Variants in RBFOX1 observed in about 807,000 individuals in gnomAD.
RBFOX1 encodes the protein RNA binding fox-1 homolog 1, also known as RNA binding protein fox-1 homolog 1.
RBFOX1 carries 8 observed loss-of-function variants against 57.7 expected under a neutral mutation model. The ratio of observed to expected loss-of-function variants is 0.14; its 90% CI spans 0.08 to 0.25. The LOEUF (loss-of-function observed/expected upper bound fraction) is 0.25, where lower values mean the gene tolerates loss of function less well. Ranked by LOEUF, RBFOX1 falls within the 10% of genes least tolerant of loss-of-function variation. The probability of loss-of-function intolerance (pLI) is 1.00; values close to 1 mark genes in which losing one functional copy is unlikely to be tolerated. For missense variants in RBFOX1, 611 were observed against 548.5 expected, an observed-to-expected ratio of 1.11 and a Z score of -1.14; for synonymous variants, 326 against 222.4, an observed-to-expected ratio of 1.47 and a Z score of -4.15.
intron 3 of RBFOX1, among the ~76,000 whole-genome samples, chr16:5,779,584 G>A (rs1216888619): frequency 6.6e-6 from 1 of 152,172 alleles, no homozygotes; most frequent in African/African-American, 2.4e-5. Context: ...CTTATTTGGA[G>A]AGTTGTTCTT....
At chr16:7,484,805 G>A (rs1199387551) in intron 4 of RBFOX1, among the ~76,000 whole-genome samples, 1 of 152,100 alleles carries the variant, frequency 6.6e-6, no homozygotes, top group Non-Finnish European at 1.5e-5. Flanking sequence ...TGTTTATATT[G>A]TTATGTATCT....
At chr16:6,985,139 T>TACCCTCTC (rs2089962778) in intron 3 of RBFOX1, among the ~76,000 whole-genome samples, 2 of 151,786 alleles carry the variant, frequency 1.3e-5, no homozygotes, top group African/African-American at 4.8e-5. Context: ...TACCCTACCC[T>TACCCTCTC]CTTCTTTCCT....
At chr16:6,465,056 A>G (rs186932295) in intron 2 of RBFOX1, among the ~76,000 whole-genome samples, 4 of 152,340 alleles carry the variant, frequency 2.6e-5, no homozygotes, top group African/African-American at 7.2e-5. Context: ...AATTGTCCAC[A>G]CAGTATATAT....
intron 4 of RBFOX1, among the ~76,000 whole-genome samples, chr16:7,517,703 A>G (rs1038209981): frequency 6.6e-6 from 1 of 152,116 alleles, no homozygotes; most frequent in Non-Finnish European, 1.5e-5. Context: ...CCTCTCAAGA[A>G]CACACACGTT....
chr16:7,282,767 G>C (rs1325370721), intron 4 of RBFOX1, among the ~76,000 whole-genome samples: 4 of 152,134 alleles, frequency 2.6e-5, no homozygotes, highest in Non-Finnish European at 2.9e-5. Context: ...AAAGTCCACT[G>C]TGTCATTCTT....
At chr16:6,830,941 C>A (rs1376825902) in intron 3 of RBFOX1, among the ~76,000 whole-genome samples, 1 of 152,112 alleles carries the variant, frequency 6.6e-6, no homozygotes, top group African/African-American at 2.4e-5. Context: ...TGTTGTGAAT[C>A]CATGGATATT....
At chr16:6,565,500 A>C (rs2345082) in intron 2 of RBFOX1, among the ~76,000 whole-genome samples, 1 of 147,438 alleles carries the variant, frequency 6.8e-6, no homozygotes, top group Non-Finnish European at 1.5e-5. Flanking sequence ...CTCGTGATCC[A>C]CCTGCTTCGG....
intron 3 of RBFOX1, among the ~76,000 whole-genome samples, chr16:6,914,380 C>T (rs7197409): frequency 0.57 from 86,157 of 151,936 alleles, 25,738 homozygotes; most frequent in African/African-American, 0.74. Context: ...TTCTACTTTT[C>T]ATGATTCAGA....
At chr16:7,085,352 G>C (rs1169211608) in intron 4 of RBFOX1, among the ~76,000 whole-genome samples, 3 of 151,504 alleles carry the variant, frequency 2.0e-5, no homozygotes, top group African/African-American at 7.3e-5. Flanking sequence ...GGATCAGCCA[G>C]TACTTCAAAA....
intron 4 of RBFOX1, among the ~76,000 whole-genome samples, chr16:5,933,472 C>G (rs1233921243): frequency 6.6e-6 from 1 of 152,168 alleles, no homozygotes; most frequent in Non-Finnish European, 1.5e-5. Context: ...TTTAGGATCA[C>G]AGGGACCGTC....
intron 2 of RBFOX1, among the ~76,000 whole-genome samples, chr16:6,545,897 G>C (rs17823421): frequency 0.3 from 45,695 of 152,086 alleles, 8,012 homozygotes; most frequent in Middle Eastern, 0.43. Context: ...CAGGCCTAAA[G>C]CTCTTTCAAC....
chr16:6,522,094 T>G (rs2096511492), intron 2 of RBFOX1, among the ~76,000 whole-genome samples: 2 of 152,140 alleles, frequency 1.3e-5, no homozygotes, highest in Non-Finnish European at 2.9e-5. Context: ...GGCATGTGTT[T>G]TCTTTGAATC....
intron 1 of RBFOX1, among the ~76,000 whole-genome samples, chr16:6,116,511 A>C (rs1269041376): frequency 6.6e-6 from 1 of 152,224 alleles, no homozygotes; most frequent in Non-Finnish European, 1.5e-5. Context: ...ATTTTCTTAC[A>C]TGAATATGAT....
intron 3 of RBFOX1, among the ~76,000 whole-genome samples, chr16:6,773,164 G>T (rs372963132): frequency 6.5e-5 from 5 of 77,022 alleles, no homozygotes; most frequent in African/African-American, 3.7e-4. Flanking sequence ...TGGGTGTGGG[G>T]TGCATTTGTG....
chr16:7,404,471 A>G (rs2098300808), intron 4 of RBFOX1, among the ~76,000 whole-genome samples: 2 of 152,212 alleles, frequency 1.3e-5, no homozygotes, highest in South Asian at 4.1e-4. Context: ...TCCTGTTAAC[A>G]TTTTCTGGCA....
chr16:7,650,000 A>G (rs1026163637), intron 11 of RBFOX1, among the ~76,000 whole-genome samples: 1 of 117,912 alleles, frequency 8.5e-6, no homozygotes, highest in African/African-American at 3.0e-5. Context: ...GAGAAAGGAA[A>G]AGGAGGAGGG....
intron 1 of RBFOX1, among the ~76,000 whole-genome samples, chr16:5,401,385 G>A (rs570740606): frequency 2.0e-5 from 3 of 152,106 alleles, no homozygotes; most frequent in African/African-American, 7.2e-5. Flanking sequence ...TTTATGCTCC[G>A]GTGTGGTTCA....
chr16:5,442,089 G>T (rs1288210957), intron 1 of RBFOX1, among the ~76,000 whole-genome samples: 3 of 152,142 alleles, frequency 2.0e-5, no homozygotes, highest in African/African-American at 7.2e-5. Flanking sequence ...TTTGCTAGAA[G>T]TAGGCAGGGA....
chr16:6,026,344 T>G (rs1482293796), intron 1 of RBFOX1, among the ~76,000 whole-genome samples: 1 of 152,144 alleles, frequency 6.6e-6, no homozygotes, highest in Non-Finnish European at 1.5e-5. Flanking sequence ...CTCACACACT[T>G]TGAGGTTAGT....
Sources: allele counts gnomAD v4.1 joint callset (sites outside exome capture counted in the v4.1 genomes callset), GRCh38; gene constraint gnomAD v4.1.1; transcripts MANE v1.5; gene names NCBI Gene and HGNC (gene_info 2026-07-23, HGNC 2026-07-21).